STIM1: variants seen among roughly 807,000 people sequenced by gnomAD.
STIM1 encodes stromal interaction molecule 1.
In STIM1, 25 loss-of-function variants were observed where a neutral mutation model predicts 74.7. That is an observed-to-expected ratio of 0.33 (90% CI 0.24 to 0.47). The LOEUF is 0.47. Ranked by LOEUF, STIM1 falls within the 20% of genes least tolerant of loss-of-function variation. The pLI is 1.00. For synonymous variants in STIM1, 328 were observed against 348.8 expected, an observed-to-expected ratio of 0.94 and a Z score of 0.66; for missense variants, 728 against 920.8, an observed-to-expected ratio of 0.79 and a Z score of 2.71.
At chr11:3,922,693 C>A in intron 1 of STIM1, 1 of 198,766 alleles carries the variant, frequency 5.0e-6, no homozygotes. Context: ...GGAAGACACT[C>A]TGTGACAGCG....
In STIM1 at chr11:3,901,856, G is replaced by A. The variant is rs367683003; in HGVS notation, c.139+45447G>A. Among the ~76,000 whole-genome samples, 24 of 152,316 alleles carry A rather than the reference G, an allele frequency of 1.6e-4. No individual in the cohort carries two copies. The South Asian group carries it at 3.5e-3, about 22-fold the overall frequency. ...GCTCACTGCACCCTTGACTTCCTGG[G>A]CTCAGGTGATCCTCCTGCCCCAGGC... On this transcript the variant is annotated intron_variant, in intron 1 of 12. Transcript: ENST00000526596.
At chr11:4,085,570 G>T (rs1363471831) in intron 11 of STIM1, among the ~76,000 whole-genome samples, 1 of 152,192 alleles carries the variant, frequency 6.6e-6, no homozygotes, top group Non-Finnish European at 1.5e-5. Context: ...AGCATAAAAA[G>T]CATCCATAGT....
intron 1 of STIM1, among the ~76,000 whole-genome samples, chr11:3,863,954 G>A (rs1156279912): frequency 6.6e-6 from 1 of 151,962 alleles, no homozygotes; most frequent in Non-Finnish European, 1.5e-5. Flanking sequence ...AACATAGTGG[G>A]TATAGGTTTG....
chr11:4,082,874 C>A lies in STIM1; in HGVS notation c.1138-8C>A. ...GCTCTTTTTGAGCTGGGGGCCTCATCTTTGCAGGCTGAGAAGATAAAAAAG... is the reference window on the plus strand; with the variant it reads ...GCTCTTTTTGAGCTGGGGGCCTCATATTTGCAGGCTGAGAAGATAAAAAAG... On this transcript the variant is annotated splice_polypyrimidine_tract_variant and splice_region_variant and intron_variant, in intron 8 of 12. Transcript: ENST00000526596. 1.2e-6 allele frequency: 2 copies of A among 1,613,774 alleles called. No individual in the cohort carries two copies. The highest frequency in any genetic ancestry group is 1.7e-6 in the Non-Finnish European group (2 of 1,179,660).
At chr11:4,017,034 A>C (rs1173635694) in intron 2 of STIM1, among the ~76,000 whole-genome samples, 1 of 152,184 alleles carries the variant, frequency 6.6e-6, no homozygotes, top group Non-Finnish European at 1.5e-5. Context: ...TTGCCAGGTA[A>C]GGCAATGCCC....
intron 5 of STIM1, among the ~76,000 whole-genome samples, chr11:4,066,490 A>G (rs1370980903): frequency 6.6e-6 from 1 of 152,160 alleles, no homozygotes. Flanking sequence ...CTACAGAGAT[A>G]TAAATAAACC....
chr11:3,855,950 G>T lies in STIM1; in HGVS notation c.-321G>T. 1 of 363,534 alleles carries T rather than the reference G, an allele frequency of 2.8e-6. No individual in the cohort carries two copies. Among genetic ancestry groups the T allele is most frequent in the Non-Finnish European group, 5.2e-6 (1 of 190,750 alleles). The allele number at this position is 363,534 out of a possible 1,614,324, so 22.5% of individuals were successfully genotyped here. A position where few individuals can be genotyped will look rare whatever the true frequency, so the allele number is the denominator to read the frequency against. ...GCGGAGACTCCGGCCGCCCCCTTCC[G>T]CAGGGGTGTAGTAATCTGCGGAGCT... On this transcript the variant is annotated 5_prime_UTR_variant, in exon 1 of 13. Coordinates refer to ENST00000526596, the MANE Select transcript of STIM1 (RefSeq NM_001382567.1).
intron 11 of STIM1, among the ~76,000 whole-genome samples, chr11:4,085,350 G>C (rs1455261509): frequency 6.6e-6 from 1 of 152,180 alleles, no homozygotes; most frequent in Non-Finnish European, 1.5e-5. Context: ...TATCAGGCTA[G>C]AGGAGAAAGA....
At chr11:3,890,986 C>T (rs2091877630) in intron 1 of STIM1, among the ~76,000 whole-genome samples, 1 of 152,138 alleles carries the variant, frequency 6.6e-6, no homozygotes, top group African/African-American at 2.4e-5. Flanking sequence ...TGGGACCTAC[C>T]AGGAAGTCAC....
At chr11:3,996,304 T>A (rs1409690452) in intron 2 of STIM1, among the ~76,000 whole-genome samples, 1 of 152,176 alleles carries the variant, frequency 6.6e-6, no homozygotes, top group East Asian at 1.9e-4. Flanking sequence ...TTTTTGGTTT[T>A]CTTCTCCCAG....
chr11:4,086,407 T>C (rs1394605718), intron 11 of STIM1, 70 bp from the exon 12 acceptor site: 2 of 1,572,472 alleles, frequency 1.3e-6, no homozygotes, highest in East Asian at 2.3e-5. Flanking sequence ...CATTTATTCA[T>C]GGGCACCTCC....
At chr11:3,989,259 G>C in intron 2 of STIM1, 1 of 879,678 alleles carries the variant, frequency 1.1e-6, no homozygotes, top group Admixed American at 1.7e-5. Context: ...TAGTTTCTTG[G>C]TTAGCCACTT....
intron 1 of STIM1, among the ~76,000 whole-genome samples, chr11:3,864,276 A>T (rs1315586295): frequency 6.6e-6 from 1 of 152,214 alleles, no homozygotes; most frequent in Non-Finnish European, 1.5e-5. Context: ...GTGTATAACA[A>T]ATTATGCCAA....
chr11:3,919,164 G>T (rs576493513), intron 1 of STIM1, among the ~76,000 whole-genome samples: 1 of 152,280 alleles, frequency 6.6e-6, no homozygotes, highest in African/African-American at 2.4e-5. Context: ...GCCAGTCATT[G>T]TCTGGGGCTG....
intron 1 of STIM1, among the ~76,000 whole-genome samples, chr11:3,867,631 G>T (rs937813292): frequency 6.6e-6 from 1 of 152,232 alleles, no homozygotes; most frequent in Non-Finnish European, 1.5e-5. Context: ...GAGAACTCCA[G>T]CCTGAGCAGG....
At chr11:3,897,608 C>T (rs1455130599) in intron 1 of STIM1, among the ~76,000 whole-genome samples, 1 of 151,970 alleles carries the variant, frequency 6.6e-6, no homozygotes, top group Admixed American at 6.6e-5. Flanking sequence ...GTGTGCTGCA[C>T]CCATTAACTC....
At chr11:3,994,893 AATT>A (rs2093649892) in intron 2 of STIM1, among the ~76,000 whole-genome samples, 1 of 152,004 alleles carries the variant, frequency 6.6e-6, no homozygotes, top group Non-Finnish European at 1.5e-5. Flanking sequence ...GAAGTTTGCT[AATT>A]CTTCCTGCTG....
intron 3 of STIM1, among the ~76,000 whole-genome samples, chr11:4,031,062 G>C (rs2094045836): frequency 3.3e-5 from 5 of 152,104 alleles, no homozygotes; most frequent in Non-Finnish European, 5.9e-5. Context: ...TGTAGTCTCT[G>C]CTCCCCTAGC....
At chr11:3,919,763 G>A (rs868465110) in intron 1 of STIM1, among the ~76,000 whole-genome samples, 1 of 152,066 alleles carries the variant, frequency 6.6e-6, no homozygotes, top group African/African-American at 2.4e-5. Flanking sequence ...ACAACCATTC[G>A]ATTTTTTAAA....
Sources: allele counts gnomAD v4.1 joint callset (sites outside exome capture counted in the v4.1 genomes callset), GRCh38; gene constraint gnomAD v4.1.1; transcripts MANE v1.5; gene names NCBI Gene and HGNC (gene_info 2026-07-23, HGNC 2026-07-21).